POLR1D: variants seen among roughly 807,000 people sequenced by gnomAD.
POLR1D encodes the protein RNA polymerase I and III subunit D.
In POLR1D, 8 loss-of-function variants were observed where a neutral mutation model predicts 10.8. The ratio of observed to expected loss-of-function variants is 0.74; its 90% CI spans 0.43 to 1.33. POLR1D has a LOEUF of 1.33. Ranked by LOEUF, POLR1D falls within the 40% of genes most tolerant of loss-of-function variation. The pLI is 0.01. For missense variants in POLR1D, 152 were observed against 161.7 expected (o/e 0.94, Z 0.32); for synonymous variants, 54 against 57.2 (o/e 0.94, Z 0.25).
chr13:27,649,276 A>G (rs949291957), intron 2 of POLR1D, among the ~76,000 whole-genome samples: 27 of 152,232 alleles, frequency 1.8e-4, no homozygotes, highest in African/African-American at 6.3e-4. Flanking sequence ...ATTTAGAACC[A>G]TGCACATAGT....
At chr13:27,635,126 T>C (rs1230004682) in intron 1 of POLR1D, among the ~76,000 whole-genome samples, 1 of 152,202 alleles carries the variant, frequency 6.6e-6, no homozygotes, top group Non-Finnish European at 1.5e-5. Flanking sequence ...GGGCTGTTCT[T>C]TGTAAATCTT....
chr13:27,635,366 A>G (rs899083131), intron 1 of POLR1D, among the ~76,000 whole-genome samples: 4 of 152,136 alleles, frequency 2.6e-5, no homozygotes, highest in Middle Eastern at 3.2e-3. Context: ...AAATAAGGGT[A>G]TGTGTTATTT....
chr13:27,650,374 TGATG>T (rs544933989), intron 2 of POLR1D: 36 of 263,084 alleles, frequency 1.4e-4, no homozygotes, highest in East Asian at 2.5e-4. Context: ...TAGGTTTGAT[TGATG>T]GATGGATGGA....
At chr13:27,623,511 A>G (rs1336109337), downstream of POLR1D, 7 of 507,178 alleles carry the variant, frequency 1.4e-5, no homozygotes, top group East Asian at 4.2e-4. Flanking sequence ...TTTTTTTCTA[A>G]TTAAGCCAGC....
At chr13:27,620,991 G>A (rs2232664), upstream of POLR1D, 403 of 153,180 alleles carry the variant, frequency 2.6e-3, no homozygotes, top group Middle Eastern at 6.7e-3. Flanking sequence ...GGCAGGGTCG[G>A]GGCCAGCGGC....
At chr13:27,645,514 C>G (rs977196216) in intron 1 of POLR1D, among the ~76,000 whole-genome samples, 13 of 152,096 alleles carry the variant, frequency 8.5e-5, no homozygotes, top group Non-Finnish European at 1.2e-4. Context: ...GTGGTAATAA[C>G]TATGTTATCA....
intron 2 of POLR1D, chr13:27,651,661 A>C (rs1360156777): frequency 1.3e-5 from 2 of 152,172 alleles, no homozygotes; most frequent in African/African-American, 4.8e-5. Context: ...CTCAGCTTTA[A>C]TTTTGAATAT....
At chr13:27,628,306 T>C (rs1008245265), downstream of POLR1D, among the ~76,000 whole-genome samples, 12 of 152,294 alleles carry the variant, frequency 7.9e-5, 1 homozygote, top group East Asian at 1.4e-3. Flanking sequence ...GCACATACTA[T>C]ACGGAGGCAC....
intron 2 of POLR1D, among the ~76,000 whole-genome samples, chr13:27,656,420 A>C (rs190466653): frequency 2.0e-5 from 3 of 152,236 alleles, no homozygotes; most frequent in Non-Finnish European, 4.4e-5. Context: ...TAACACATTT[A>C]TTGAGTACTT....
intron 1 of POLR1D, among the ~76,000 whole-genome samples, chr13:27,646,763 A>C (rs191277607): frequency 2.6e-5 from 4 of 152,356 alleles, no homozygotes; most frequent in Admixed American, 2.6e-4. Context: ...AAATAACGAG[A>C]AACAGATGAA....
intron 1 of POLR1D, chr13:27,648,243 C>A: frequency 1.6e-6 from 1 of 621,802 alleles, no homozygotes. Context: ...AATTGTCAAC[C>A]ATTTAAAAAA....
intron 1 of POLR1D, among the ~76,000 whole-genome samples, chr13:27,639,352 A>G (rs563355899): frequency 6.6e-6 from 1 of 152,174 alleles, no homozygotes; most frequent in Non-Finnish European, 1.5e-5. Context: ...CATTTGACCT[A>G]TCAACAGATC....
chr13:27,666,082 A>C (rs1451271653), exon 3 of POLR1D: 5 of 843,572 alleles, frequency 5.9e-6, no homozygotes, highest in Non-Finnish European at 9.1e-6. Context: ...TGTTGTTTTT[A>C]AAGAGGCTGC....
At chr13:27,627,485 T>C (rs1024090616), downstream of POLR1D, among the ~76,000 whole-genome samples, 1 of 152,134 alleles carries the variant, frequency 6.6e-6, no homozygotes. Flanking sequence ...AGAAAACCAA[T>C]TGTATTGACA....
upstream of POLR1D, chr13:27,621,028 AG>A (rs1230828733): frequency 6.5e-6 from 1 of 152,894 alleles, no homozygotes; most frequent in African/African-American, 2.4e-5. Context: ...CCGATTCGAG[AG>A]GAAGCGCACC....
At chr13:27,635,080 A>T (rs974413034) in intron 1 of POLR1D, among the ~76,000 whole-genome samples, 2 of 152,156 alleles carry the variant, frequency 1.3e-5, no homozygotes, top group African/African-American at 4.8e-5. Context: ...TTTAAGAGAC[A>T]AAATTGTTGG....
chr13:27,633,728 A>G (rs1447481947), intron 1 of POLR1D, among the ~76,000 whole-genome samples: 4 of 152,200 alleles, frequency 2.6e-5, no homozygotes, highest in African/African-American at 7.2e-5. Context: ...ATAAATTTTC[A>G]TTGGAATTCA....
chr13:27,641,834 A>T (rs912785722), intron 1 of POLR1D, among the ~76,000 whole-genome samples: 1 of 152,130 alleles, frequency 6.6e-6, no homozygotes. Flanking sequence ...AGAGGGCATA[A>T]CCTGGGCAAA....
At chr13:27,667,323 G>GT (rs1364867180) in exon 3 of POLR1D, 1 of 152,116 alleles carries the variant, frequency 6.6e-6, no homozygotes, top group Non-Finnish European at 1.5e-5. Flanking sequence ...AATTTGAAAT[G>GT]TTTTTTATTT....
Sources: allele counts gnomAD v4.1 joint callset (sites outside exome capture counted in the v4.1 genomes callset), GRCh38; gene constraint gnomAD v4.1.1; transcripts MANE v1.5; gene names NCBI Gene and HGNC (gene_info 2026-07-23, HGNC 2026-07-21).